Variants in TENM2 observed in about 807,000 individuals in gnomAD.
The protein encoded by TENM2 is teneurin transmembrane protein 2.
A neutral mutation model predicts 245.2 loss-of-function variants in TENM2; 52 were observed. The ratio of observed to expected loss-of-function variants is 0.21; its 90% CI spans 0.17 to 0.27. The LOEUF (loss-of-function observed/expected upper bound fraction) is 0.27. TENM2 is among the 10% of genes least tolerant of loss of function. The probability of loss-of-function intolerance (pLI) is 1.00; values close to 1 mark genes in which losing one functional copy is unlikely to be tolerated. For missense variants in TENM2, 3,046 were observed against 3,666.8 expected (o/e 0.83, Z 4.37); for synonymous variants, 1,363 against 1,438.9 (o/e 0.95, Z 1.19).
intron 3 of TENM2, among the ~76,000 whole-genome samples, chr5:167,934,031 G>A (rs1354493750): frequency 1.3e-5 from 2 of 152,136 alleles, no homozygotes; most frequent in African/African-American, 2.4e-5. Context: ...TATGAATATG[G>A]CGAAGACATC....
chr5:167,370,307 A>T (rs1310953815), intron 1 of TENM2, among the ~76,000 whole-genome samples: 1 of 135,498 alleles, frequency 7.4e-6, no homozygotes, highest in African/African-American at 2.8e-5. Context: ...ACGCCACTGC[A>T]CTCCAGCCTG....
At chr5:167,731,091 C>G (rs1760393597) in intron 2 of TENM2, among the ~76,000 whole-genome samples, 1 of 152,032 alleles carries the variant, frequency 6.6e-6, no homozygotes, top group South Asian at 2.1e-4. Context: ...CAACATACAC[C>G]TGATCATTCC....
At chr5:167,169,158 G>A in the TENM2 span, among the ~76,000 whole-genome samples, 131 of 152,152 alleles carry the variant, frequency 8.6e-4, no homozygotes, top group African/African-American at 2.9e-3. Context: ...TTATTAAACC[G>A]CACTCCTTTG....
intron 2 of TENM2, among the ~76,000 whole-genome samples, chr5:167,716,939 T>TATTC (rs1561701234): frequency 5.2e-5 from 5 of 96,302 alleles, no homozygotes; most frequent in African/African-American, 2.2e-4. Context: ...TTATTTTATT[T>TATTC]TATTCTATTC....
At chr5:168,231,828 G>A (rs1764949962) in intron 25 of TENM2, among the ~76,000 whole-genome samples, 1 of 152,016 alleles carries the variant, frequency 6.6e-6, no homozygotes, top group Non-Finnish European at 1.5e-5. Flanking sequence ...TGGCACAGTA[G>A]CTCATGCCTA....
intron 2 of TENM2, among the ~76,000 whole-genome samples, chr5:167,742,495 T>G (rs1032299192): frequency 1.7e-4 from 26 of 152,214 alleles, no homozygotes; most frequent in African/African-American, 6.3e-4. Flanking sequence ...TATATGTCCA[T>G]GTGGTTAGTA....
At chr5:167,278,943 T>C in the TENM2 span, among the ~76,000 whole-genome samples, 1 of 152,204 alleles carries the variant, frequency 6.6e-6, no homozygotes, top group Non-Finnish European at 1.5e-5. Flanking sequence ...ACTAACTCTT[T>C]AGCTATTTTT....
chr5:167,945,343 C>A (rs555927094), intron 3 of TENM2, among the ~76,000 whole-genome samples: 1 of 152,220 alleles, frequency 6.6e-6, no homozygotes, highest in South Asian at 2.1e-4. Context: ...AGATACGTTA[C>A]AGTTAAATAC....
At chr5:168,202,677 G>A (rs542189277) in intron 17 of TENM2, among the ~76,000 whole-genome samples, 1 of 151,454 alleles carries the variant, frequency 6.6e-6, no homozygotes, top group East Asian at 1.9e-4. Context: ...TTTGTTTCTT[G>A]GCATTTTCAG....
chr5:168,199,546 C>G (rs1761755952), intron 16 of TENM2, among the ~76,000 whole-genome samples: 1 of 152,208 alleles, frequency 6.6e-6, no homozygotes, highest in Non-Finnish European at 1.5e-5. Context: ...CTCGTGGCCT[C>G]CTTGCATGCA....
At chr5:167,611,370 C>T (rs1582539751) in intron 2 of TENM2, among the ~76,000 whole-genome samples, 1 of 151,984 alleles carries the variant, frequency 6.6e-6, no homozygotes, top group Admixed American at 6.6e-5. Context: ...TGGGAACCTC[C>T]CTAGAATATA....
At position 167,371,522 on chromosome 5, in the gene TENM2, C is replaced by T. The variant is rs542953119; in HGVS notation, c.227-3676C>T. 1.3e-4 allele frequency among the ~76,000 whole-genome samples: 19 copies of T among 151,850 alleles called. No individual in the cohort carries two copies. In the South Asian group the frequency reaches 3.5e-3, roughly 28 times the overall value. On this transcript the variant is annotated intron_variant, in intron 1 of 28. Coordinates refer to ENST00000518659, the Ensembl canonical transcript of TENM2. The stretch of plus-strand genomic sequence containing the variant: ...GATGACAGCCATGCGCCACCACACC[C>T]GGCTAATTTTGTATTTTTAGTAGAG...
intron 3 of TENM2, among the ~76,000 whole-genome samples, chr5:167,893,311 C>T (rs1774910642): frequency 6.6e-6 from 1 of 152,166 alleles, no homozygotes; most frequent in South Asian, 2.1e-4. Context: ...CAAAATTGGT[C>T]AGACCAGTTC....
At chr5:167,029,851 T>C in the TENM2 span, among the ~76,000 whole-genome samples, 3 of 152,172 alleles carry the variant, frequency 2.0e-5, no homozygotes, top group African/African-American at 7.2e-5. Flanking sequence ...TTTATTCCAA[T>C]TGTGTAAGGG....
At chr5:168,057,113 CCT>C (rs1789611411) in intron 6 of TENM2, among the ~76,000 whole-genome samples, 1 of 151,846 alleles carries the variant, frequency 6.6e-6, no homozygotes, top group Non-Finnish European at 1.5e-5. Flanking sequence ...AGTGAAAACC[CCT>C]CTTTCCAAAA....
intron 2 of TENM2, among the ~76,000 whole-genome samples, chr5:167,661,801 C>T (rs1755225507): frequency 6.6e-6 from 1 of 152,252 alleles, no homozygotes; most frequent in Non-Finnish European, 1.5e-5. Context: ...GTTTGTCTGT[C>T]TCCCTCTGGC....
upstream of TENM2, among the ~76,000 whole-genome samples, chr5:167,284,504 C>T (rs533578286): frequency 6.6e-6 from 1 of 152,262 alleles, no homozygotes; most frequent in African/African-American, 2.4e-5. Context: ...TCTGTGCATA[C>T]AAAAAATCTA....
chr5:167,419,346 C>T (rs1307791123), intron 2 of TENM2, among the ~76,000 whole-genome samples: 1 of 152,144 alleles, frequency 6.6e-6, no homozygotes, highest in Non-Finnish European at 1.5e-5. Context: ...CCTGTAATCC[C>T]TGCTACTTGG....
At chr5:167,916,361 G>A (rs1776935770) in intron 3 of TENM2, among the ~76,000 whole-genome samples, 1 of 152,110 alleles carries the variant, frequency 6.6e-6, no homozygotes, top group African/African-American at 2.4e-5. Flanking sequence ...TTTGTTCAAT[G>A]AGTCAGAGCC....
Sources: allele counts gnomAD v4.1 joint callset (sites outside exome capture counted in the v4.1 genomes callset), GRCh38; gene constraint gnomAD v4.1.1; transcripts MANE v1.5; gene names NCBI Gene and HGNC (gene_info 2026-07-23, HGNC 2026-07-21).